The following UBE2R2 variants were observed in gnomAD, a reference collection of about 807,000 sequenced individuals.
UBE2R2 encodes the protein ubiquitin-conjugating enzyme E2 R2.
UBE2R2 carries 1 observed loss-of-function variant against 27.8 expected under a neutral mutation model. That is an observed-to-expected ratio of 0.04 (90% CI 0.01 to 0.17). UBE2R2 has a LOEUF of 0.17. UBE2R2 is among the 10% of genes least tolerant of loss of function. UBE2R2 has a pLI of 1.00. For synonymous variants in UBE2R2, 106 were observed against 113.3 expected (o/e 0.94, Z 0.41); for missense variants, 100 against 291.0 (o/e 0.34, Z 4.78).
intron 1 of UBE2R2, among the ~76,000 whole-genome samples, chr9:33,873,236 G>T (rs1821527512): frequency 6.7e-6 from 1 of 149,420 alleles, no homozygotes; most frequent in African/African-American, 2.4e-5. Flanking sequence ...TTAATTAAAT[G>T]GACCTGTAGG....
intron 2 of UBE2R2, among the ~76,000 whole-genome samples, chr9:33,898,576 T>C (rs181424791): frequency 2.6e-4 from 39 of 152,322 alleles, no homozygotes; most frequent in Admixed American, 6.5e-4. Context: ...CTTTATATAG[T>C]TATACCTCCA....
At chr9:33,833,128 G>A (rs1025967160) in intron 1 of UBE2R2, among the ~76,000 whole-genome samples, 1 of 152,090 alleles carries the variant, frequency 6.6e-6, no homozygotes, top group African/African-American at 2.4e-5. Context: ...GCAGTGGCAC[G>A]ATCTCAGCTC....
At chr9:33,903,054 G>A (rs1351815723) in intron 3 of UBE2R2, among the ~76,000 whole-genome samples, 2 of 151,848 alleles carry the variant, frequency 1.3e-5, no homozygotes, top group Admixed American at 6.6e-5. Context: ...AGCCAGGATC[G>A]TGCCACTGCA....
intron 1 of UBE2R2, among the ~76,000 whole-genome samples, chr9:33,841,049 C>T (rs1032753796): frequency 1.3e-5 from 2 of 151,138 alleles, no homozygotes; most frequent in East Asian, 1.9e-4. Flanking sequence ...CTCAACCTCT[C>T]GAGTAGCTGG....
chr9:33,871,612 G>GT (rs1333535095), intron 1 of UBE2R2, among the ~76,000 whole-genome samples: 2 of 152,156 alleles, frequency 1.3e-5, no homozygotes, highest in Non-Finnish European at 2.9e-5. Context: ...TTGCGTATTA[G>GT]TCAAAAAAGA....
chr9:33,838,626 A>G (rs1459284775), intron 1 of UBE2R2, among the ~76,000 whole-genome samples: 3 of 151,842 alleles, frequency 2.0e-5, no homozygotes, highest in Non-Finnish European at 2.9e-5. Flanking sequence ...TGGATTATGG[A>G]TTCTTAATTT....
At chr9:33,908,744 A>G (rs905857774) in intron 3 of UBE2R2, among the ~76,000 whole-genome samples, 1 of 152,180 alleles carries the variant, frequency 6.6e-6, no homozygotes, top group African/African-American at 2.4e-5. Flanking sequence ...ACTTGTGGGA[A>G]TTTTTTCTTA....
intron 1 of UBE2R2, among the ~76,000 whole-genome samples, chr9:33,824,141 G>A (rs143663154): frequency 0.015 from 2,302 of 152,204 alleles, 28 homozygotes; most frequent in Non-Finnish European, 0.021. Context: ...CTTTTATCCT[G>A]TTTAGTTGAT....
At position 33,918,257 on chromosome 9, in the gene UBE2R2, A is replaced by G. The variant is rs561066581; in HGVS notation, c.*1020A>G. On this transcript the variant is annotated 3_prime_UTR_variant, in exon 5 of 5. Transcript: ENST00000263228. ...TTTTGTTTTTGTTTTTTAAGTAGCC[A>G]CTTTTAATTACTCAGTATTAATCCT... 5.3e-5 allele frequency: 8 copies of G among 152,190 alleles called. No individual in the cohort carries two copies. In the South Asian group the frequency reaches 1.7e-3, roughly 32 times the overall value. 9.4% of individuals were successfully genotyped at this position (152,190 alleles called of 1,614,324 possible). A position where few individuals can be genotyped will look rare whatever the true frequency, so the allele number is the denominator to read the frequency against.
chr9:33,855,596 T>C (rs896978506), intron 1 of UBE2R2, among the ~76,000 whole-genome samples: 1 of 152,216 alleles, frequency 6.6e-6, no homozygotes, highest in African/African-American at 2.4e-5. Flanking sequence ...AAAATCAGCA[T>C]TGATCATTCC....
At chr9:33,904,641 TGA>T (rs534894366) in intron 3 of UBE2R2, among the ~76,000 whole-genome samples, 105 of 152,282 alleles carry the variant, frequency 6.9e-4, no homozygotes, top group African/African-American at 2.5e-3. Flanking sequence ...TGGTGAGTAG[TGA>T]GAGTTAGCCA....
At chr9:33,852,560 C>G (rs1344758793) in intron 1 of UBE2R2, among the ~76,000 whole-genome samples, 1 of 152,192 alleles carries the variant, frequency 6.6e-6, no homozygotes, top group East Asian at 1.9e-4. Flanking sequence ...GAGGAGAATG[C>G]TGTGAATGAG....
intron 1 of UBE2R2, among the ~76,000 whole-genome samples, chr9:33,835,808 G>A (rs1369556206): frequency 6.6e-6 from 1 of 152,090 alleles, no homozygotes; most frequent in East Asian, 1.9e-4. Flanking sequence ...ATTTGAGCCT[G>A]GGAATTCAAG....
chr9:33,903,214 T>A (rs1335377147), intron 3 of UBE2R2, among the ~76,000 whole-genome samples: 1 of 152,166 alleles, frequency 6.6e-6, no homozygotes, highest in Non-Finnish European at 1.5e-5. Context: ...AATTAGACAA[T>A]GTGTATAAAA....
intron 2 of UBE2R2, among the ~76,000 whole-genome samples, chr9:33,889,131 TTG>T (rs1461301610): frequency 1.3e-5 from 2 of 152,230 alleles, no homozygotes; most frequent in Non-Finnish European, 2.9e-5. Context: ...AAATAATTCA[TTG>T]TTTCCTAAGT....
At chr9:33,822,930 A>C (rs1820189721) in intron 1 of UBE2R2, among the ~76,000 whole-genome samples, 1 of 109,104 alleles carries the variant, frequency 9.2e-6, no homozygotes, top group Non-Finnish European at 1.8e-5. Context: ...TTTTTAGCTG[A>C]GTCTCGCTCT....
chr9:33,853,955 C>A (rs1377083414), intron 1 of UBE2R2, among the ~76,000 whole-genome samples: 1 of 152,110 alleles, frequency 6.6e-6, no homozygotes, highest in East Asian at 1.9e-4. Context: ...CTCGGCCTCC[C>A]AAAGTGCTGG....
chr9:33,846,568 T>C (rs1471056307), intron 1 of UBE2R2, among the ~76,000 whole-genome samples: 1 of 152,096 alleles, frequency 6.6e-6, no homozygotes, highest in Non-Finnish European at 1.5e-5. Flanking sequence ...AAATAAAATA[T>C]CCCAGTACAG....
Position 33,912,103 on chromosome 9 carries a change from GGTT to G in UBE2R2, c.497+6_497+8del. On this transcript the variant is annotated splice_donor_region_variant and intron_variant, in intron 4 of 4. Coordinates refer to ENST00000263228, the MANE Select transcript of UBE2R2 (RefSeq NM_017811.4). ...AGAATATGCTGAAATTATTAGGTAA[GGTT>G]TTTTTTTTTATTACCTCAAGTTATA... is the stretch of plus-strand genomic sequence containing the variant. The G allele has an allele frequency of 6.3e-7, 1 of 1,596,204 alleles. No homozygotes were observed. Among genetic ancestry groups the G allele is most frequent in the Non-Finnish European group, 8.5e-7 (1 of 1,172,898 alleles).
Sources: gnomAD v4.1 joint callset for allele counts (sites outside exome capture counted in the v4.1 genomes callset) on GRCh38, gnomAD v4.1.1 for gene constraint, MANE v1.5 for transcripts, NCBI Gene and HGNC (gene_info 2026-07-23, HGNC 2026-07-21) for gene names.